NDUFA8: variants seen among roughly 807,000 people sequenced by gnomAD.
NDUFA8 encodes NADH dehydrogenase [ubiquinone] 1 alpha subcomplex subunit 8.
In NDUFA8, 16 loss-of-function variants were observed where a neutral mutation model predicts 20.9. That is an observed-to-expected ratio of 0.77 (90% CI 0.52 to 1.16). NDUFA8 has a LOEUF of 1.16. NDUFA8 is among the 50% of genes most tolerant of loss of function. The probability of loss-of-function intolerance (pLI) is 0.00; values close to 1 mark genes in which losing one functional copy is unlikely to be tolerated. For synonymous variants in NDUFA8, 70 were observed against 76.1 expected, an observed-to-expected ratio of 0.92 and a Z score of 0.41; for missense variants, 202 against 216.4, an observed-to-expected ratio of 0.93 and a Z score of 0.42.
chr9:122,141,836 C>T (rs541557323), downstream of NDUFA8, among the ~76,000 whole-genome samples: 5 of 152,166 alleles, frequency 3.3e-5, no homozygotes, highest in East Asian at 1.9e-4. Flanking sequence ...GCTATGATGT[C>T]GTGTAATCCC....
downstream of NDUFA8, among the ~76,000 whole-genome samples, chr9:122,140,800 G>C (rs1828808020): frequency 6.6e-6 from 1 of 152,164 alleles, no homozygotes; most frequent in Non-Finnish European, 1.5e-5. Context: ...TACTATTACT[G>C]TCATCTCCTT....
chr9:122,151,711 G>C (rs1829001588), intron 2 of NDUFA8, among the ~76,000 whole-genome samples: 1 of 152,234 alleles, frequency 6.6e-6, no homozygotes, highest in Non-Finnish European at 1.5e-5. Flanking sequence ...AATTTCCTTT[G>C]AGTTGACTTT....
At chr9:122,147,320 G>A (rs914906495) in intron 3 of NDUFA8, among the ~76,000 whole-genome samples, 2 of 152,110 alleles carry the variant, frequency 1.3e-5, no homozygotes, top group African/African-American at 4.8e-5. Context: ...AAGAATTCAG[G>A]TTTCTAGCTC....
chr9:122,135,922 A>G, the NDUFA8 span, among the ~76,000 whole-genome samples: 1 of 152,172 alleles, frequency 6.6e-6, no homozygotes, highest in Admixed American at 6.5e-5. Context: ...TCTGCCAGAG[A>G]TAAAATACAC....
At chr9:122,133,018 C>G in the NDUFA8 span, 1 of 456,056 alleles carries the variant, frequency 2.2e-6, no homozygotes, top group South Asian at 1.5e-5. Context: ...GCCTCGGGCC[C>G]CTTTCATGCC....
intron 1 of NDUFA8, 98 bp downstream of exon 1, chr9:122,159,529 C>G: frequency 6.8e-7 from 1 of 1,469,568 alleles, no homozygotes; most frequent in Non-Finnish European, 9.5e-7. Context: ...GGGAGGGGGG[C>G]CCGGGTCCCA....
chr9:122,157,285 T>A (rs10985553), intron 1 of NDUFA8, among the ~76,000 whole-genome samples: 3 of 152,028 alleles, frequency 2.0e-5, no homozygotes, highest in Admixed American at 6.5e-5. Flanking sequence ...TTACATTATG[T>A]CCAAAAAGTG....
chr9:122,154,575 CAA>C (rs1829050376), intron 1 of NDUFA8, among the ~76,000 whole-genome samples: 2 of 152,178 alleles, frequency 1.3e-5, no homozygotes, highest in Admixed American at 6.5e-5. Flanking sequence ...AGTTCTGACA[CAA>C]AACTCAAGAA....
intron 1 of NDUFA8, among the ~76,000 whole-genome samples, chr9:122,159,345 AT>A (rs1370457779): frequency 5.3e-5 from 8 of 152,248 alleles, no homozygotes; most frequent in African/African-American, 1.9e-4. Context: ...TTGGTGCTTA[AT>A]AAAATGTATC....
chr9:122,137,716 T>C, the NDUFA8 span, among the ~76,000 whole-genome samples: 1 of 152,180 alleles, frequency 6.6e-6, no homozygotes, highest in Non-Finnish European at 1.5e-5. Context: ...CAAGAAAACA[T>C]GAAAACTCCA....
At chr9:122,146,089 T>C (rs1426204336) in intron 3 of NDUFA8, among the ~76,000 whole-genome samples, 2 of 152,144 alleles carry the variant, frequency 1.3e-5, no homozygotes, top group Non-Finnish European at 2.9e-5. Context: ...CTGGTTGCAG[T>C]GAGCAGAGAT....
At chr9:122,134,351 T>C in the NDUFA8 span, among the ~76,000 whole-genome samples, 2 of 152,200 alleles carry the variant, frequency 1.3e-5, no homozygotes, top group African/African-American at 2.4e-5. Flanking sequence ...TATATATAGC[T>C]GTGTGACCCG....
At position 122,148,135 on chromosome 9, in the gene NDUFA8, G is replaced by C. The variant is rs998172115; in HGVS notation, c.358C>G (p.Pro120Ala). Residue 120 changes from proline (P) to alanine (A), a missense_variant, in exon 3 of 4, where the codon CCT becomes GCT. Coordinates refer to ENST00000373768, the MANE Select transcript of NDUFA8 (RefSeq NM_014222.3). The stretch of plus-strand genomic sequence containing the variant: ...ACCTTTGACAGTTCTCCCAGGTCAG[G>C]CCGCACCCAGCCCAGTTTGTCCAGC... Reference protein sequence around the residue: ...CVLDKLGWVRPDLGELSKVTK... With the variant: ...CVLDKLGWVRADLGELSKVTK... 4 of 1,614,096 alleles carry C rather than the reference G, an allele frequency of 2.5e-6. No homozygotes were observed. Among genetic ancestry groups the C allele is most frequent in the Non-Finnish European group, 3.4e-6 (4 of 1,180,030 alleles).
chr9:122,159,329 G>A (rs1016288730), intron 1 of NDUFA8, among the ~76,000 whole-genome samples: 1 of 152,212 alleles, frequency 6.6e-6, no homozygotes, highest in Non-Finnish European at 1.5e-5. Flanking sequence ...TAAGTAAAAT[G>A]ACTGGTTGGT....
At position 122,159,620 on chromosome 9, in the gene NDUFA8, G is replaced by C. The variant is rs368201515; in HGVS notation, c.51+7C>G. On this transcript the variant is annotated splice_region_variant and intron_variant, in intron 1 of 3. Coordinates refer to ENST00000373768, the MANE Select transcript of NDUFA8 (RefSeq NM_014222.3). ...GTCTCCCTTGCCTGTCCTCCGGATA[G>C]CCTCACCTCATCTACTTTCAGCTCC... 4.4e-5 allele frequency: 71 copies of C among 1,613,986 alleles called. No homozygotes were observed. The highest frequency in any genetic ancestry group is 5.6e-5 in the Non-Finnish European group (66 of 1,179,970).
the NDUFA8 span, among the ~76,000 whole-genome samples, chr9:122,138,564 T>C: frequency 6.6e-6 from 1 of 152,180 alleles, no homozygotes; most frequent in Non-Finnish European, 1.5e-5. Context: ...AGACCTGATA[T>C]ACATTGAACG....
rs1050142637 is a variant in NDUFA8 at position 122,158,794 on chromosome 9, T to C, written c.51+833A>G. On this transcript the variant is annotated intron_variant, in intron 1 of 3. Transcript: ENST00000373768. The stretch of plus-strand genomic sequence containing the variant: ...CACACCAATTGTGTGTGTGTATATA[T>C]ATGTGTATGTGTGTGTATATATATA... Among the ~76,000 whole-genome samples, 8 of 142,302 alleles carry C rather than the reference T, an allele frequency of 5.6e-5. No homozygotes were observed. The East Asian group carries it at 1.6e-3, about 28-fold the overall frequency. 93.4% of individuals were successfully genotyped at this position (142,302 alleles called of 152,430 possible).
Position 122,148,066 on chromosome 9 carries a change from C to T in NDUFA8, c.381+46G>A, listed in dbSNP as rs949912226. 8.7e-6 allele frequency: 14 copies of T among 1,612,118 alleles called. No individual in the cohort carries two copies. In the Admixed American group the frequency reaches 1.3e-4, roughly 15 times the overall value. On this transcript the variant is annotated intron_variant, in intron 3 of 3. Transcript: ENST00000373768. The stretch of plus-strand genomic sequence containing the variant: ...TTGCTGACCACCTCCTGCCTTTATC[C>T]CACCCCTGAATCAGAAAGTGAGACC...
At chr9:122,159,527 G>C (rs533196966) in intron 1 of NDUFA8, 100 bp downstream of exon 1, 4 of 1,449,042 alleles carry the variant, frequency 2.8e-6, no homozygotes, top group Admixed American at 1.7e-5. Context: ...TGGGGAGGGG[G>C]GCCCGGGTCC....
Sources: gnomAD v4.1 joint callset for allele counts (sites outside exome capture counted in the v4.1 genomes callset) on GRCh38, gnomAD v4.1.1 for gene constraint, MANE v1.5 for transcripts, NCBI Gene and HGNC (gene_info 2026-07-23, HGNC 2026-07-21) for gene names.